OSBPL3: variants seen among roughly 807,000 people sequenced by gnomAD.
The protein encoded by OSBPL3 is oxysterol-binding protein-related protein 3.
Under a neutral mutation model 120.1 loss-of-function variants are expected in OSBPL3, and 65 were observed. That is an observed-to-expected ratio of 0.54 (90% CI 0.44 to 0.67). The LOEUF (loss-of-function observed/expected upper bound fraction) is 0.67, where lower values mean the gene tolerates loss of function less well. Among genes scored for constraint, OSBPL3 ranks in the 30% least tolerant of loss-of-function variants. OSBPL3 has a pLI of 0.00. For synonymous variants in OSBPL3, 416 were observed against 402.6 expected (o/e 1.03, Z -0.40); for missense variants, 1,004 against 1,082.1 (o/e 0.93, Z 1.01).
At chr7:24,807,822 GACT>G (rs1162827988) in intron 20 of OSBPL3, among the ~76,000 whole-genome samples, 1 of 152,024 alleles carries the variant, frequency 6.6e-6, no homozygotes, top group Non-Finnish European at 1.5e-5. Context: ...ATCCAATGTA[GACT>G]ACTAAGATCT....
intron 15 of OSBPL3, among the ~76,000 whole-genome samples, chr7:24,832,532 G>A (rs77923551): frequency 0.25 from 31,062 of 126,114 alleles, 4,378 homozygotes; most frequent in Non-Finnish European, 0.31. Flanking sequence ...AAAAAAAAAA[G>A]AAGAAGAAAA....
chr7:24,911,448 TATC>T (rs1276820013), intron 1 of OSBPL3, among the ~76,000 whole-genome samples: 2 of 152,192 alleles, frequency 1.3e-5, no homozygotes, highest in African/African-American at 4.8e-5. Flanking sequence ...AAAATCAACT[TATC>T]ATCTTTTCAG....
intron 1 of OSBPL3, among the ~76,000 whole-genome samples, chr7:24,976,834 T>C (rs428): frequency 0.017 from 2,535 of 152,268 alleles, 39 homozygotes; most frequent in Non-Finnish European, 0.022. Context: ...CAGACTCTTA[T>C]GCAGGGGGAA....
intron 1 of OSBPL3, among the ~76,000 whole-genome samples, chr7:24,960,252 C>A (rs1304478700): frequency 2.0e-5 from 3 of 152,070 alleles, no homozygotes; most frequent in African/African-American, 7.2e-5. Context: ...AAACACAGAT[C>A]CTTCCACCTC....
intron 1 of OSBPL3, among the ~76,000 whole-genome samples, chr7:24,915,413 C>G (rs1180739203): frequency 6.6e-6 from 1 of 152,072 alleles, no homozygotes; most frequent in Non-Finnish European, 1.5e-5. Context: ...TGTGAACAAC[C>G]TCTTTAGAAG....
chr7:24,828,100 C>G (rs1385487669), intron 16 of OSBPL3, among the ~76,000 whole-genome samples: 3 of 151,986 alleles, frequency 2.0e-5, no homozygotes, highest in Non-Finnish European at 1.5e-5. Context: ...TCTCGGCTCA[C>G]CGCATCCTCC....
At chr7:24,844,200 T>C (rs1279821368) in intron 12 of OSBPL3, among the ~76,000 whole-genome samples, 1 of 152,262 alleles carries the variant, frequency 6.6e-6, no homozygotes, top group Non-Finnish European at 1.5e-5. Context: ...AATTCAGTAA[T>C]TTCCTTTCAC....
rs1414087364 is a variant in OSBPL3 at position 24,819,739 on chromosome 7, CTTTAG to C, written c.1948+431_1948+435del. On this transcript the variant is annotated intron_variant, in intron 17 of 22. Transcript: ENST00000313367. The surrounding 1 kb of genome is among the most constrained non-coding windows in gnomAD (Gnocchi z 4.1). ...GGAAATATCTATAGCCTTATTTATT[CTTTAG>C]AAGATTTACCCACCCAACCCCAACT... Among the ~76,000 whole-genome samples, 2 of 151,978 alleles carry C rather than the reference CTTTAG, an allele frequency of 1.3e-5. No individual in the cohort carries two copies. The highest frequency in any genetic ancestry group is 1.3e-4 in the Admixed American group (2 of 15,252).
chr7:24,885,004 C>T (rs1227231395), intron 2 of OSBPL3, among the ~76,000 whole-genome samples: 3 of 151,926 alleles, frequency 2.0e-5, no homozygotes, highest in Non-Finnish European at 4.4e-5. Context: ...ATAAATGGGG[C>T]CAGGTGTGAT....
rs759665829 is a variant in OSBPL3, at chr7:24,866,173, T to A, written c.446A>T (p.Gln149Leu). ...SKLRHHRMYR[Q>L]NEIAMFPHEV... is the part of the protein sequence containing the mutation. The stretch of plus-strand genomic sequence containing the variant: ...ATGTGGAAACATGGCAATTTCATTC[T>A]GACGATACATTCTGTGGTGGCGAAG... Residue 149 changes from glutamine (Q) to leucine (L), a missense_variant, in exon 6 of 23, where the codon CAG becomes CTG. By Grantham distance (113) the Gln-to-Leu change is moderately radical (BLOSUM62 -2). This residue lies in a region of OSBPL3 where 255 missense variants were observed against 248.7 expected (regional missense o/e 1.03). Transcript: ENST00000313367. 79 of 1,613,068 alleles carry A rather than the reference T, an allele frequency of 4.9e-5. No homozygotes were observed. The highest frequency in any genetic ancestry group is 6.6e-5 in the Non-Finnish European group (78 of 1,179,070).
intron 5 of OSBPL3, among the ~76,000 whole-genome samples, chr7:24,869,475 C>A (rs1470830159): frequency 6.6e-6 from 1 of 152,090 alleles, no homozygotes; most frequent in East Asian, 1.9e-4. Flanking sequence ...TACTTCACAC[C>A]AGTCATTTGC....
At chr7:24,902,506 G>A (rs553839607) in intron 1 of OSBPL3, among the ~76,000 whole-genome samples, 5 of 151,950 alleles carry the variant, frequency 3.3e-5, no homozygotes, top group Non-Finnish European at 7.4e-5. Flanking sequence ...CTGATGCAAT[G>A]AACAAACTTG....
intron 11 of OSBPL3, among the ~76,000 whole-genome samples, chr7:24,850,413 A>T (rs1485458493): frequency 6.6e-6 from 1 of 152,190 alleles, no homozygotes; most frequent in Admixed American, 6.5e-5. Context: ...ATGCAGATTC[A>T]GCCTATATGT....
Position 24,936,359 on chromosome 7 carries a change from T to C in OSBPL3, c.-150+43527A>G, listed in dbSNP as rs908916413. ...TATAACCTTTAATGACCACAGACTA[T>C]GTACTAAAATTATGCAAAGGTTCTC... On this transcript the variant is annotated intron_variant, in intron 1 of 22. Transcript: ENST00000313367. The surrounding 1 kb of genome is among the most constrained non-coding windows in gnomAD (Gnocchi z 4.2). 6.6e-6 allele frequency among the ~76,000 whole-genome samples: 1 copy of C among 152,196 alleles called. No homozygotes were observed. Among genetic ancestry groups the C allele is most frequent in the Admixed American group, 6.5e-5 (1 of 15,282 alleles).
chr7:24,811,399 A>AT (rs1793778840), intron 19 of OSBPL3, among the ~76,000 whole-genome samples: 1 of 151,998 alleles, frequency 6.6e-6, no homozygotes. Context: ...CTCTCTATTC[A>AT]TTTTTTATAT....
At chr7:24,878,162 T>C (rs1202070155) in intron 2 of OSBPL3, among the ~76,000 whole-genome samples, 3 of 152,260 alleles carry the variant, frequency 2.0e-5, no homozygotes, top group Admixed American at 2.0e-4. Context: ...TATTGCTGAG[T>C]GCACGAATTG....
At chr7:24,889,246 AGCACAGAAAGAAAAATGCT>A (rs1212508289) in intron 2 of OSBPL3, among the ~76,000 whole-genome samples, 8 of 152,246 alleles carry the variant, frequency 5.3e-5, no homozygotes, top group African/African-American at 1.7e-4. Context: ...AAATAAACCA[AGCACAGAAAGAAAAATGCT>A]GCATGATTTC....
Position 24,803,916 on chromosome 7 carries a change from A to G in OSBPL3, c.2567+399T>C, listed in dbSNP as rs532847641. The stretch of plus-strand genomic sequence containing the variant: ...GAATTTCCATACTGCTTAACTGTGG[A>G]GTGATCGTGAATGATCTCTGTCATG... On this transcript the variant is annotated intron_variant, in intron 22 of 22. Transcript: ENST00000313367. This position sits in a 1 kb window ranked among gnomAD's most constrained non-coding sequence, Gnocchi z 4.2. Among the ~76,000 whole-genome samples, 6 of 152,364 alleles carry G rather than the reference A, an allele frequency of 3.9e-5. No homozygotes were observed. Among genetic ancestry groups the G allele is most frequent in the Non-Finnish European group, 7.3e-5 (5 of 68,038 alleles).
At position 24,900,956 on chromosome 7, in the gene OSBPL3, G is replaced by A. The variant is rs1292386180; in HGVS notation, c.-149-8335C>T. Among the ~76,000 whole-genome samples the A allele has an allele frequency of 1.3e-5, 2 of 151,872 alleles. No homozygotes were observed. Among genetic ancestry groups the A allele is most frequent in the African/African-American group, 4.8e-5 (2 of 41,338 alleles). On this transcript the variant is annotated intron_variant, in intron 1 of 22. Coordinates refer to ENST00000313367, the MANE Select transcript of OSBPL3 (RefSeq NM_015550.4). The surrounding 1 kb of genome is among the most constrained non-coding windows in gnomAD (Gnocchi z 4.5). Reference sequence around the variant, plus strand: ...GGATGACTTGAGTCTGGGAGGCGGAGGTTGCAGTGAGCTGAGGTTTTGCCA... The same window carrying A: ...GGATGACTTGAGTCTGGGAGGCGGAAGTTGCAGTGAGCTGAGGTTTTGCCA...
Sources: gnomAD v4.1 joint callset for allele counts (sites outside exome capture counted in the v4.1 genomes callset) on GRCh38, gnomAD v4.1.1 for gene constraint, gnomAD v4.1.1 regional missense constraint, Gnocchi (gnomAD v3.1) non-coding constraint, MANE v1.5 for transcripts, NCBI Gene and HGNC (gene_info 2026-07-23, HGNC 2026-07-21) for gene names.